The following ARL10 variants were observed in gnomAD, a reference collection of about 807,000 sequenced individuals.
ARL10 encodes ADP-ribosylation factor-like protein 10.
Under a neutral mutation model 26.1 loss-of-function variants are expected in ARL10, and 23 were observed. The observed-to-expected ratio is 0.88, with a 90% confidence interval of 0.63 to 1.25. The LOEUF is 1.25. ARL10 is among the 50% of genes most tolerant of loss of function. ARL10 has a pLI of 0.00. For synonymous variants in ARL10, 138 were observed against 149.1 expected (o/e 0.93, Z 0.54); for missense variants, 300 against 323.6 (o/e 0.93, Z 0.56).
In ARL10 at chr5:176,373,362, G is replaced by A. The variant is rs1422616951; in HGVS notation, c.*1467G>A. The A allele has an allele frequency of 2.9e-5, 8 of 279,182 alleles. No homozygotes were observed. Among genetic ancestry groups the A allele is most frequent in the South Asian group, 1.7e-4 (1 of 5,938 alleles). 17.3% of individuals were successfully genotyped at this position (279,182 alleles called of 1,614,324 possible). On this transcript the variant is annotated 3_prime_UTR_variant, in exon 4 of 4. Coordinates refer to ENST00000310389, the MANE Select transcript of ARL10 (RefSeq NM_173664.6). Reference sequence around the variant, plus strand: ...TGGCTCTGTACTGACACTTATTATCGGTACAGGCAAAGAGGAGCCTGTTGT... The same window carrying A: ...TGGCTCTGTACTGACACTTATTATCAGTACAGGCAAAGAGGAGCCTGTTGT...
chr5:176,366,438 T>TG lies in ARL10; in HGVS notation c.244dup (p.Val82GlyfsTer42). 6.2e-7 allele frequency: 1 copy of TG among 1,613,458 alleles called. No homozygotes were observed. The highest frequency in any genetic ancestry group is 8.5e-7 in the Non-Finnish European group (1 of 1,179,958). On this transcript the variant is annotated frameshift_variant, in exon 2 of 4. Transcript: ENST00000310389. LOFTEE classifies it high-confidence loss of function. ...GAGGAGCTGGAACAGCGCGAGGTGC[T>TG]GGTGCTGGGGCTGGATGGCGCAGGC...
intron 1 of ARL10, chr5:176,386,944 C>A (rs1489781420): frequency 6.3e-7 from 1 of 1,586,386 alleles, no homozygotes; most frequent in East Asian, 2.2e-5. Flanking sequence ...CCAGAAGGAT[C>A]TTTGATGAGG....
intron 3 of ARL10, among the ~76,000 whole-genome samples, chr5:176,370,216 C>T (rs1768490863): frequency 1.3e-5 from 2 of 152,176 alleles, no homozygotes; most frequent in African/African-American, 4.8e-5. Flanking sequence ...CACTAAATAC[C>T]TGGAGTTGCA....
downstream of ARL10, among the ~76,000 whole-genome samples, chr5:176,382,075 C>T (rs1195656383): frequency 2.0e-5 from 3 of 152,238 alleles, no homozygotes; most frequent in Non-Finnish European, 4.4e-5. Flanking sequence ...GGCAGGGCTG[C>T]TGGCCTGTCC....
chr5:176,405,060 A>G (rs1382754085), downstream of ARL10, among the ~76,000 whole-genome samples: 1 of 152,254 alleles, frequency 6.6e-6, no homozygotes, highest in Non-Finnish European at 1.5e-5. Context: ...AGGGAGATCA[A>G]GCACGTAAAG....
At chr5:176,390,877 AG>A (rs1756245697), downstream of ARL10, among the ~76,000 whole-genome samples, 1 of 152,200 alleles carries the variant, frequency 6.6e-6, no homozygotes, top group Admixed American at 6.5e-5. Flanking sequence ...GTTCTGGAAG[AG>A]GAGGCTGAGG....
In ARL10 at chr5:176,372,244, T is replaced by C; in HGVS notation, c.*349T>C. On this transcript the variant is annotated 3_prime_UTR_variant, in exon 4 of 4. Transcript: ENST00000310389. ...CAGGTCCCGGTACCTGAGGAACCAG[T>C]GTAGGTGTCAGAAATACTCCTAGAG... is the stretch of plus-strand genomic sequence containing the variant. 5.8e-6 allele frequency: 2 copies of C among 345,260 alleles called. No homozygotes were observed. Among genetic ancestry groups the C allele is most frequent in the Non-Finnish European group, 9.4e-6 (2 of 212,684 alleles). The allele number at this position is 345,260 out of a possible 1,614,324, so 21.4% of individuals were successfully genotyped here. A position where few individuals can be genotyped will look rare whatever the true frequency, so the allele number is the denominator to read the frequency against.
At chr5:176,371,624 C>T (rs768009000) in intron 3 of ARL10, 98 bp from the exon 4 acceptor site, 3 of 761,236 alleles carry the variant, frequency 3.9e-6, no homozygotes, top group East Asian at 2.7e-5. Context: ...CTGATATTCC[C>T]GGGGATAGCC....
chr5:176,397,198 G>C (rs1756564323), intron 1 of ARL10, among the ~76,000 whole-genome samples: 2 of 152,266 alleles, frequency 1.3e-5, no homozygotes, highest in Non-Finnish European at 1.5e-5. Flanking sequence ...CTAGACAGAA[G>C]GGTAGCTTCC....
At chr5:176,396,578 T>C (rs957943442) in intron 1 of ARL10, 11 of 1,423,922 alleles carry the variant, frequency 7.7e-6, no homozygotes, top group Non-Finnish European at 8.9e-6. Flanking sequence ...GGAAGGCAGA[T>C]GGCAAGACAG....
rs918598834 is a variant in ARL10 at position 176,381,840 on chromosome 5, T to C, written c.*9945T>C. On this transcript the variant is annotated 3_prime_UTR_variant, in exon 4 of 4. Transcript: ENST00000310389. ...TGAAGATCTGTCTGAGTCTAATGAATATATTGTACAATTTTTAAAGTCCCC... is the reference window on the plus strand; with the variant it reads ...TGAAGATCTGTCTGAGTCTAATGAACATATTGTACAATTTTTAAAGTCCCC... 3 of 152,208 alleles carry C rather than the reference T, an allele frequency of 2.0e-5. No individual in the cohort carries two copies. The highest frequency in any genetic ancestry group is 7.2e-5 in the African/African-American group (3 of 41,460). 9.4% of individuals were successfully genotyped at this position (152,208 alleles called of 1,614,324 possible).
In ARL10 at chr5:176,368,914, C is replaced by T. The variant is rs373235269; in HGVS notation, c.493C>T (p.Arg165Ter). The T allele has an allele frequency of 1.6e-5, 26 of 1,613,946 alleles. No individual in the cohort carries two copies. Among genetic ancestry groups the T allele is most frequent in the East Asian group, 2.2e-5 (1 of 44,892 alleles). The change falls in exon 3 of 4, where the codon CGA (arginine) becomes TGA (stop). Residue 165 changes from arginine (R) to a stop codon, truncating the protein, a stop_gained. Coordinates refer to ENST00000310389, the MANE Select transcript of ARL10 (RefSeq NM_173664.6). LOFTEE classifies it high-confidence loss of function. The surrounding 1 kb of genome is among the most constrained non-coding windows in gnomAD (Gnocchi z 4.1). ...SADRLRLPWA[R>*]QELHKLLDKD... Reference sequence around the variant, plus strand: ...TGACCGACTGCGGCTGCCCTGGGCCCGACAGGAGCTGCACAAGCTGCTGGA... The same window carrying T: ...TGACCGACTGCGGCTGCCCTGGGCCTGACAGGAGCTGCACAAGCTGCTGGA...
At chr5:176,388,813 C>T (rs1319776282), downstream of ARL10, 1 of 1,611,618 alleles carries the variant, frequency 6.2e-7, no homozygotes, top group South Asian at 1.1e-5. Context: ...GCTGCTGTGG[C>T]CCGGACATGG....
At chr5:176,392,659 G>T, downstream of ARL10, 1 of 1,221,764 alleles carries the variant, frequency 8.2e-7, no homozygotes, top group Non-Finnish European at 1.2e-6. The surrounding 1 kb of genome is among the most constrained non-coding windows in gnomAD (Gnocchi z 5.2). Context: ...GAGATGGGGA[G>T]GAGTGGAATA....
downstream of ARL10, chr5:176,385,083 T>A (rs377516472): frequency 3.2e-5 from 22 of 689,668 alleles, no homozygotes; most frequent in African/African-American, 3.5e-4. Flanking sequence ...TCCCTGTCAA[T>A]GGGATCCATT....
chr5:176,398,419 A>G (rs1271403780), intron 1 of ARL10, among the ~76,000 whole-genome samples: 1 of 152,188 alleles, frequency 6.6e-6, no homozygotes, highest in Non-Finnish European at 1.5e-5. Context: ...TGAGTTAAAA[A>G]TTATAAAGAA....
chr5:176,390,182 CAAAAAAA>C (rs60632467), downstream of ARL10, among the ~76,000 whole-genome samples: 28 of 65,238 alleles, frequency 4.3e-4, no homozygotes, highest in African/African-American at 5.8e-4. Flanking sequence ...AACTCCATCT[CAAAAAAA>C]AAAAAAAAAA....
chr5:176,372,124 G>C lies in ARL10; in HGVS notation c.*229G>C. On this transcript the variant is annotated 3_prime_UTR_variant, in exon 4 of 4. Coordinates refer to ENST00000310389, the MANE Select transcript of ARL10 (RefSeq NM_173664.6). ...GGTGGGTGAGACAGAGGGTGGGGAG[G>C]ATAGTGTCTGGCTCATTCCAGGCTG... is the stretch of plus-strand genomic sequence containing the variant. 1.4e-6 allele frequency: 2 copies of C among 1,379,714 alleles called. No individual in the cohort carries two copies. The highest frequency in any genetic ancestry group is 1.9e-6 in the Non-Finnish European group (2 of 1,059,356). 85.5% of individuals were successfully genotyped at this position (1,379,714 alleles called of 1,614,324 possible). A position where few individuals can be genotyped will look rare whatever the true frequency, so the allele number is the denominator to read the frequency against.
At chr5:176,367,696 C>G (rs1768365347) in intron 2 of ARL10, among the ~76,000 whole-genome samples, 1 of 152,234 alleles carries the variant, frequency 6.6e-6, no homozygotes, top group Non-Finnish European at 1.5e-5. Context: ...GAATGCTTTC[C>G]TCTGCCTCTT....
Sources: gnomAD v4.1 joint callset for allele counts (sites outside exome capture counted in the v4.1 genomes callset) on GRCh38, gnomAD v4.1.1 for gene constraint, Gnocchi (gnomAD v3.1) non-coding constraint, MANE v1.5 for transcripts, NCBI Gene and HGNC (gene_info 2026-07-23, HGNC 2026-07-21) for gene names.